The following ACTN2 variants were observed in gnomAD, a reference collection of about 807,000 sequenced individuals.
ACTN2 encodes alpha-actinin-2.
ACTN2 carries 39 observed loss-of-function variants against 113.8 expected under a neutral mutation model. The ratio of observed to expected loss-of-function variants is 0.34; its 90% CI spans 0.27 to 0.45. The LOEUF is 0.45. Among genes scored for constraint, ACTN2 ranks in the 20% least tolerant of loss-of-function variants. ACTN2 has a pLI of 1.00. For missense variants in ACTN2, 992 were observed against 1,177.9 expected (o/e 0.84, Z 2.31); for synonymous variants, 429 against 444.1 (o/e 0.97, Z 0.43).
chr1:236,762,768 A>G lies in ACTN2; in HGVS notation c.*149A>G. On this transcript the variant is annotated 3_prime_UTR_variant, in exon 21 of 21. Transcript: ENST00000366578. The stretch of plus-strand genomic sequence containing the variant: ...TTTCGTAGTTCAGTAATTGCCAGCA[A>G]TATAACACGGCTAAAATGAAGTTTT... 1.0e-6 allele frequency: 1 copy of G among 954,704 alleles called. No homozygotes were observed. Among genetic ancestry groups the G allele is most frequent in the Admixed American group, 2.0e-5 (1 of 49,236 alleles). 59.1% of individuals were successfully genotyped at this position (954,704 alleles called of 1,614,324 possible). A position where few individuals can be genotyped will look rare whatever the true frequency, so the allele number is the denominator to read the frequency against.
intron 1 of ACTN2, among the ~76,000 whole-genome samples, chr1:236,712,859 G>T (rs1378684597): frequency 6.6e-6 from 1 of 150,742 alleles, no homozygotes; most frequent in Admixed American, 6.6e-5. Context: ...TTTTTAAGTA[G>T]AATTTAAATT....
chr1:236,762,091 C>G (rs1315010322), intron 20 of ACTN2, among the ~76,000 whole-genome samples: 1 of 152,194 alleles, frequency 6.6e-6, no homozygotes, highest in Non-Finnish European at 1.5e-5. Flanking sequence ...CTTTTACCAA[C>G]CAGACTATTT....
intron 1 of ACTN2, among the ~76,000 whole-genome samples, chr1:236,687,101 C>T (rs975739239): frequency 1.3e-5 from 2 of 152,128 alleles, no homozygotes; most frequent in African/African-American, 4.8e-5. Context: ...CTGCTCCTGA[C>T]CCCTTGAGTC....
intron 5 of ACTN2, among the ~76,000 whole-genome samples, chr1:236,726,657 CA>C (rs989330917): frequency 1.3e-5 from 2 of 152,114 alleles, no homozygotes; most frequent in Non-Finnish European, 2.9e-5. Context: ...GCAAAAAGGC[CA>C]CTGAGATAAT....
chr1:236,709,469 T>C (rs917758461), intron 1 of ACTN2, among the ~76,000 whole-genome samples: 1 of 151,018 alleles, frequency 6.6e-6, no homozygotes, highest in Non-Finnish European at 1.5e-5. Context: ...TTCTGAGCCA[T>C]GACTGCAGGC....
chr1:236,717,612 A>C (rs1044144631), intron 1 of ACTN2, among the ~76,000 whole-genome samples: 1 of 152,198 alleles, frequency 6.6e-6, no homozygotes, highest in African/African-American at 2.4e-5. Context: ...TTTTAAATGG[A>C]AGGCAAAAAT....
chr1:236,762,736 A>G lies in ACTN2; in HGVS notation c.*117A>G. The stretch of plus-strand genomic sequence containing the variant: ...GTTGAGAGAGAGAGAGGGGAAAAAA[A>G]AAAGCCTTTCGTAGTTCAGTAATTG... On this transcript the variant is annotated 3_prime_UTR_variant, in exon 21 of 21. Coordinates refer to ENST00000366578, the MANE Select transcript of ACTN2 (RefSeq NM_001103.4). 4 of 1,352,384 alleles carry G rather than the reference A, an allele frequency of 3.0e-6. No homozygotes were observed. The highest frequency in any genetic ancestry group is 3.1e-6 in the Non-Finnish European group (3 of 978,182). 83.8% of individuals were successfully genotyped at this position (1,352,384 alleles called of 1,614,324 possible).
intron 1 of ACTN2, 22 bp from the exon 2 acceptor site, chr1:236,717,836 C>A (rs763126647): frequency 3.9e-6 from 6 of 1,544,338 alleles, no homozygotes; most frequent in South Asian, 3.4e-5. Context: ...CTGTGCTAAA[C>A]CGTGTTTGGT....
chr1:236,727,024 T>C (rs1658571160), intron 5 of ACTN2, among the ~76,000 whole-genome samples: 1 of 152,222 alleles, frequency 6.6e-6, no homozygotes, highest in African/African-American at 2.4e-5. Context: ...TCCCACACTC[T>C]GCTGTCACTG....
intron 1 of ACTN2, among the ~76,000 whole-genome samples, chr1:236,713,442 G>C (rs998025772): frequency 6.6e-6 from 1 of 152,104 alleles, no homozygotes; most frequent in Non-Finnish European, 1.5e-5. Context: ...GGTCAGGCTG[G>C]TCTTGCACTC....
In ACTN2 at chr1:236,686,635, C is replaced by T; in HGVS notation, c.-39C>T. ...TTGCCAGTCAGCCCGTGCGTCCGAG[C>T]CCCTCGCGCCCCGCCGCAGCCCCGG... On this transcript the variant is annotated 5_prime_UTR_variant, in exon 1 of 21. Transcript: ENST00000366578. 2.0e-6 allele frequency: 3 copies of T among 1,531,010 alleles called. No individual in the cohort carries two copies. The highest frequency in any genetic ancestry group is 2.6e-6 in the Non-Finnish European group (3 of 1,138,588). The allele number at this position is 1,531,010 out of a possible 1,614,324, so 94.8% of individuals were successfully genotyped here. A position where few individuals can be genotyped will look rare whatever the true frequency, so the allele number is the denominator to read the frequency against.
intron 10 of ACTN2, among the ~76,000 whole-genome samples, chr1:236,742,235 C>T (rs1659092553): frequency 6.6e-6 from 1 of 152,020 alleles, no homozygotes; most frequent in Non-Finnish European, 1.5e-5. Flanking sequence ...AATGAACTTG[C>T]TTAAGTACTT....
intron 1 of ACTN2, among the ~76,000 whole-genome samples, chr1:236,713,458 C>A (rs1658110396): frequency 6.6e-6 from 1 of 152,120 alleles, no homozygotes; most frequent in Non-Finnish European, 1.5e-5. Context: ...CACTCCTGAT[C>A]TCAAGTGATC....
chr1:236,720,275 C>A (rs1658344516), intron 4 of ACTN2, 84 bp downstream of exon 4: 3 of 1,103,556 alleles, frequency 2.7e-6, no homozygotes, highest in Non-Finnish European at 4.2e-6. Context: ...TTTTAAAGTC[C>A]AACAGTCACT....
At chr1:236,724,555 T>G (rs1205778372) in intron 4 of ACTN2, among the ~76,000 whole-genome samples, 1 of 152,228 alleles carries the variant, frequency 6.6e-6, no homozygotes, top group East Asian at 1.9e-4. Context: ...CCGACTGCAG[T>G]GCAGTTCTGA....
rs1399025051 is a variant in ACTN2, at chr1:236,762,887, CAG to C, written c.*270_*271del. The C allele has an allele frequency of 4.4e-6, 2 of 458,178 alleles. No homozygotes were observed. The highest frequency in any genetic ancestry group is 9.0e-5 in the East Asian group (2 of 22,188). 28.4% of individuals were successfully genotyped at this position (458,178 alleles called of 1,614,324 possible). ...TATCAGGTTGATTTCTTTGATTAAA[CAG>C]AACAAATTACTTGAGTAATAGGAAA... On this transcript the variant is annotated 3_prime_UTR_variant, in exon 21 of 21. Transcript: ENST00000366578.
In ACTN2 at chr1:236,728,269, G is replaced by T. The variant is rs188934835; in HGVS notation, c.615+513G>T. The stretch of plus-strand genomic sequence containing the variant: ...TGCCATTCTCCTGCCTCAGCCTCCC[G>T]AGTAACTGGGACTACAGGCATCCGC... On this transcript the variant is annotated intron_variant, in intron 6 of 20. Transcript: ENST00000366578. Among the ~76,000 whole-genome samples, 6 of 150,818 alleles carry T rather than the reference G, an allele frequency of 4.0e-5. No individual in the cohort carries two copies. In the East Asian group the frequency reaches 1.2e-3, roughly 30 times the overall value.
chr1:236,700,878 G>T (rs761730155), intron 1 of ACTN2, among the ~76,000 whole-genome samples: 1 of 152,186 alleles, frequency 6.6e-6, no homozygotes, highest in Non-Finnish European at 1.5e-5. Flanking sequence ...ACATATCTGG[G>T]AATGTTCTGG....
intron 1 of ACTN2, among the ~76,000 whole-genome samples, chr1:236,702,992 C>A (rs1387712099): frequency 6.6e-6 from 1 of 152,150 alleles, no homozygotes. Context: ...GTAGTACAAG[C>A]TGCTTCCCCA....
Sources: allele counts gnomAD v4.1 joint callset (sites outside exome capture counted in the v4.1 genomes callset), GRCh38; gene constraint gnomAD v4.1.1; transcripts MANE v1.5; gene names NCBI Gene and HGNC (gene_info 2026-07-23, HGNC 2026-07-21).